NEURL1: variants seen among roughly 807,000 people sequenced by gnomAD.
NEURL1 encodes neuralized E3 ubiquitin protein ligase 1, also known as E3 ubiquitin-protein ligase NEURL1.
In NEURL1, 26 loss-of-function variants were observed where a neutral mutation model predicts 41.2. The observed-to-expected ratio is 0.63, with a 90% CI of 0.46 to 0.87. The LOEUF (loss-of-function observed/expected upper bound fraction) is 0.87. Ranked by LOEUF, NEURL1 falls within the 40% of genes least tolerant of loss-of-function variation. NEURL1 has a pLI of 0.00. For missense variants in NEURL1, 761 were observed against 871.1 expected (o/e 0.87, Z 1.59); for synonymous variants, 400 against 402.3 (o/e 0.99, Z 0.07).
intron 1 of NEURL1, among the ~76,000 whole-genome samples, chr10:103,533,825 C>CAT (rs1564812987): frequency 2.6e-5 from 4 of 152,032 alleles, no homozygotes; most frequent in African/African-American, 7.2e-5. Context: ...CTTGAGCCAC[C>CAT]GCTCCCGGCC....
intron 3 of NEURL1, among the ~76,000 whole-genome samples, chr10:103,579,440 C>T (rs1042448324): frequency 2.0e-5 from 3 of 152,162 alleles, no homozygotes; most frequent in African/African-American, 7.2e-5. Flanking sequence ...TATGGATTCC[C>T]ACCAGGAGAG....
intron 1 of NEURL1, among the ~76,000 whole-genome samples, chr10:103,547,858 C>T (rs2034954770): frequency 1.3e-5 from 2 of 151,958 alleles, no homozygotes; most frequent in African/African-American, 2.4e-5. Flanking sequence ...TTCCGCATCT[C>T]GGATGGACGA....
intron 1 of NEURL1, among the ~76,000 whole-genome samples, chr10:103,521,530 T>G (rs901423044): frequency 6.6e-6 from 1 of 152,106 alleles, no homozygotes; most frequent in African/African-American, 2.4e-5. Context: ...GATGGAACAC[T>G]GAGAAGTGAT....
chr10:103,570,757 G>A lies in NEURL1; in HGVS notation c.86-115G>A, dbSNP rs570692757. Reference sequence around the variant, plus strand: ...GCAAGGGGTGGCGGCAGTGGTGAAAGAACTGGGCTCTGGGTGACTTCTGGT... The same window carrying A: ...GCAAGGGGTGGCGGCAGTGGTGAAAAAACTGGGCTCTGGGTGACTTCTGGT... On this transcript the variant is annotated intron_variant, in intron 1 of 5. Transcript: ENST00000369780. 2,240 of 1,508,434 alleles carry A rather than the reference G, an allele frequency of 1.5e-3. 21 individuals are homozygous for A. Among genetic ancestry groups the A allele is most frequent in the Non-Finnish European group, 8.8e-4 (985 of 1,125,232 alleles). 93.4% of individuals were successfully genotyped at this position (1,508,434 alleles called of 1,614,324 possible). A position where few individuals can be genotyped will look rare whatever the true frequency, so the allele number is the denominator to read the frequency against.
chr10:103,516,369 G>A (rs2133852463), intron 1 of NEURL1, among the ~76,000 whole-genome samples: 1 of 151,314 alleles, frequency 6.6e-6, no homozygotes, highest in Middle Eastern at 3.4e-3. Context: ...GGAGAATGGT[G>A]ATCCCATCAG....
At chr10:103,548,902 C>T (rs1286967715) in intron 1 of NEURL1, among the ~76,000 whole-genome samples, 1 of 152,212 alleles carries the variant, frequency 6.6e-6, no homozygotes, top group Admixed American at 6.5e-5. Context: ...AGCTCCCACC[C>T]TCCATGTGGG....
intron 3 of NEURL1, among the ~76,000 whole-genome samples, chr10:103,579,584 T>G (rs968424184): frequency 1.3e-5 from 2 of 152,146 alleles, no homozygotes; most frequent in African/African-American, 4.8e-5. Flanking sequence ...GTACCTTAGT[T>G]CCTCGAAAGT....
chr10:103,569,621 A>G (rs1400859125), intron 1 of NEURL1, among the ~76,000 whole-genome samples: 1 of 152,202 alleles, frequency 6.6e-6, no homozygotes, highest in African/African-American at 2.4e-5. Context: ...TCCAGAGGCC[A>G]TTCAGCTTCT....
At chr10:103,495,916 T>G (rs1306684611) in intron 1 of NEURL1, among the ~76,000 whole-genome samples, 1 of 152,212 alleles carries the variant, frequency 6.6e-6, no homozygotes, top group Admixed American at 6.5e-5. Context: ...CAGACCAGCC[T>G]GGCCAACATG....
chr10:103,589,372 G>A (rs957299050), intron 4 of NEURL1, 142 bp from the exon 5 acceptor site: 31 of 860,534 alleles, frequency 3.6e-5, no homozygotes, highest in Non-Finnish European at 4.5e-5. Context: ...AATGATCCCC[G>A]CGCCAGCCTG....
At chr10:103,547,874 A>T (rs2034955095) in intron 1 of NEURL1, among the ~76,000 whole-genome samples, 1 of 151,942 alleles carries the variant, frequency 6.6e-6, no homozygotes, top group South Asian at 2.1e-4. Context: ...GACGAGGCCC[A>T]TGTCTTGTTC....
chr10:103,522,389 C>T (rs902650493), intron 1 of NEURL1, among the ~76,000 whole-genome samples: 5 of 151,662 alleles, frequency 3.3e-5, no homozygotes, highest in African/African-American at 1.2e-4. Flanking sequence ...GAGCGGGTCA[C>T]CTGAGGTTGG....
intron 1 of NEURL1, among the ~76,000 whole-genome samples, chr10:103,502,382 T>A (rs1436403707): frequency 3.3e-5 from 5 of 152,166 alleles, no homozygotes; most frequent in African/African-American, 1.2e-4. Flanking sequence ...ACTGTCAGGT[T>A]CCATTGAGGG....
chr10:103,546,190 AG>A (rs903075968), intron 1 of NEURL1, among the ~76,000 whole-genome samples: 6 of 152,178 alleles, frequency 3.9e-5, no homozygotes, highest in African/African-American at 1.4e-4. Context: ...TTGTGGGTGC[AG>A]TGGCCCTGGG....
intron 1 of NEURL1, among the ~76,000 whole-genome samples, chr10:103,528,743 A>C (rs939743893): frequency 2.0e-5 from 3 of 152,168 alleles, no homozygotes; most frequent in African/African-American, 7.2e-5. Context: ...AAGCATTCCA[A>C]CCAAACTAAA....
intron 1 of NEURL1, among the ~76,000 whole-genome samples, chr10:103,541,984 G>C (rs2034829787): frequency 6.6e-6 from 1 of 152,176 alleles, no homozygotes; most frequent in Non-Finnish European, 1.5e-5. Flanking sequence ...CTGGAGAAAG[G>C]AGAACGACCC....
intron 1 of NEURL1, among the ~76,000 whole-genome samples, chr10:103,504,867 G>A (rs564882570): frequency 2.0e-5 from 3 of 152,306 alleles, no homozygotes; most frequent in African/African-American, 7.2e-5. Context: ...TGGGGATCAG[G>A]GAAGGTTTCT....
chr10:103,571,718 T>TAA lies in NEURL1; in HGVS notation c.545_546insAA (p.Asn183ThrfsTer69). The TAA allele has an allele frequency of 6.2e-7, 1 of 1,614,152 alleles. No individual in the cohort carries two copies. Among genetic ancestry groups the TAA allele is most frequent in the Non-Finnish European group, 8.5e-7 (1 of 1,179,966 alleles). ...AAGAAGGGCCGTGTCTTCCACCGCA[T>TAA]CAACGACTCGGCTGTTATGCTGTTC... On this transcript the variant is annotated frameshift_variant, in exon 3 of 6. Coordinates refer to ENST00000369780, the MANE Select transcript of NEURL1 (RefSeq NM_004210.5). LOFTEE classifies it high-confidence loss of function.
chr10:103,542,437 T>C (rs1245670239), intron 1 of NEURL1, among the ~76,000 whole-genome samples: 1 of 152,072 alleles, frequency 6.6e-6, no homozygotes, highest in African/African-American at 2.4e-5. Flanking sequence ...TTTTTATTTA[T>C]TTTTTTGTAG....
Sources: allele counts gnomAD v4.1 joint callset (sites outside exome capture counted in the v4.1 genomes callset), GRCh38; gene constraint gnomAD v4.1.1; transcripts MANE v1.5; gene names NCBI Gene and HGNC (gene_info 2026-07-23, HGNC 2026-07-21).